The following PLCH1 variants were observed in gnomAD, a reference collection of about 807,000 sequenced individuals.
PLCH1 encodes the protein 1-phosphatidylinositol 4,5-bisphosphate phosphodiesterase eta-1.
PLCH1 carries 60 observed loss-of-function variants against 126.7 expected under a neutral mutation model. The ratio of observed to expected loss-of-function variants is 0.47; its 90% confidence interval spans 0.38 to 0.59. The LOEUF is 0.59. Ranked by LOEUF, PLCH1 falls within the 20% of genes least tolerant of loss-of-function variation. PLCH1 has a pLI of 0.00. For missense variants in PLCH1, 1,723 were observed against 2,040.0 expected (o/e 0.84, Z 2.99); for synonymous variants, 719 against 734.9 (o/e 0.98, Z 0.35).
At position 155,649,543 on chromosome 3, in the gene PLCH1, A is replaced by G. The variant is rs1740462305; in HGVS notation, c.80-53165T>C. On this transcript the variant is annotated intron_variant, in intron 2 of 22. Transcript: ENST00000460012. The stretch of plus-strand genomic sequence containing the variant: ...GAGGGGTCTCACTTCTCCATCTTGT[A>G]TTTCTAGTCATTTCAGTTCCCCCCC... Among the ~76,000 whole-genome samples the G allele has an allele frequency of 1.3e-5, 2 of 152,026 alleles. 1 individual carries two copies. The highest frequency in any genetic ancestry group is 4.2e-4 in the South Asian group (2 of 4,818).
chr3:155,534,874 C>G (rs1192063478), intron 10 of PLCH1, among the ~76,000 whole-genome samples: 2 of 152,178 alleles, frequency 1.3e-5, no homozygotes, highest in Non-Finnish European at 2.9e-5. Flanking sequence ...TGCCTGCTTC[C>G]TTTTTGCCCT....
intron 2 of PLCH1, among the ~76,000 whole-genome samples, chr3:155,690,505 G>A (rs368953337): frequency 1.4e-4 from 22 of 152,224 alleles, no homozygotes; most frequent in Middle Eastern, 3.4e-3. Flanking sequence ...AGGGTATTAC[G>A]TATATCCTTG....
chr3:155,689,940 A>G (rs1745246996), intron 2 of PLCH1, among the ~76,000 whole-genome samples: 1 of 152,118 alleles, frequency 6.6e-6, no homozygotes, highest in Non-Finnish European at 1.5e-5. Flanking sequence ...AAGGAACACA[A>G]AGCAGATTTA....
chr3:155,485,469 C>T lies in PLCH1; in HGVS notation c.2861G>A (p.Arg954His), dbSNP rs1010770122. The stretch of plus-strand genomic sequence containing the variant: ...AGAGACAGGGCGTGCTTGCAAACTG[C>T]GTGTGGTCCTCCTCAGCACGCCATC... ...DQDGVLRRTTRSLQARPVSMP... is the reference protein window; with the variant it reads ...DQDGVLRRTTHSLQARPVSMP... Residue 954 changes from arginine (R) to histidine (H), a missense_variant, in exon 22 of 23, where the codon CGC (arginine) becomes CAC (histidine). Arg to His is a conservative substitution (Grantham distance 29, BLOSUM62 0). This residue lies in a region of PLCH1 where 947 missense variants were observed against 977.1 expected (regional missense o/e 0.97). Transcript: ENST00000460012. 8 of 1,613,978 alleles carry T rather than the reference C, an allele frequency of 5.0e-6. No individual in the cohort carries two copies. Among genetic ancestry groups the T allele is most frequent in the African/African-American group, 4.0e-5 (3 of 74,918 alleles).
chr3:155,627,769 AT>A (rs60152083), intron 2 of PLCH1, among the ~76,000 whole-genome samples: 2,510 of 116,502 alleles, frequency 0.022, 69 homozygotes, highest in African/African-American at 0.077. Flanking sequence ...GTTATCGGAG[AT>A]TTTTTTTTTT....
chr3:155,579,397 C>T (rs1461260823), intron 6 of PLCH1, among the ~76,000 whole-genome samples: 1 of 152,236 alleles, frequency 6.6e-6, no homozygotes, highest in East Asian at 1.9e-4. Context: ...TTAATTCTCA[C>T]TCTACTCTTG....
downstream of PLCH1, among the ~76,000 whole-genome samples, chr3:155,478,294 C>CA (rs551471335): frequency 8.6e-5 from 13 of 151,330 alleles, no homozygotes; most frequent in South Asian, 4.2e-4. Flanking sequence ...CTAATTAATA[C>CA]AAAAAAAATA....
chr3:155,480,785 G>A lies in PLCH1; in HGVS notation c.*183C>T. On this transcript the variant is annotated 3_prime_UTR_variant, in exon 23 of 23. Transcript: ENST00000460012. ...GAGAAAGATCATAATAGGTACATGG[G>A]AAATGTCACCAAATCTATATACAAA... The A allele has an allele frequency of 1.7e-6, 1 of 589,018 alleles. No individual in the cohort carries two copies. The highest frequency in any genetic ancestry group is 3.0e-6 in the Non-Finnish European group (1 of 334,700). 36.5% of individuals were successfully genotyped at this position (589,018 alleles called of 1,614,324 possible). A position where few individuals can be genotyped will look rare whatever the true frequency, so the allele number is the denominator to read the frequency against.
intron 2 of PLCH1, among the ~76,000 whole-genome samples, chr3:155,629,744 A>C (rs1463430544): frequency 6.6e-6 from 1 of 152,136 alleles, no homozygotes; most frequent in Non-Finnish European, 1.5e-5. Flanking sequence ...GAGCGTAATT[A>C]ATCCCAAACT....
intron 9 of PLCH1, among the ~76,000 whole-genome samples, chr3:155,551,919 G>A (rs1726197535): frequency 6.6e-6 from 1 of 152,118 alleles, no homozygotes. Context: ...ATACATAGGT[G>A]GCAGGCCTTC....
intron 10 of PLCH1, among the ~76,000 whole-genome samples, chr3:155,528,978 G>A (rs1722311920): frequency 6.6e-6 from 1 of 152,128 alleles, no homozygotes; most frequent in Non-Finnish European, 1.5e-5. Flanking sequence ...AGGCAGATAG[G>A]GAGAAAAACA....
At chr3:155,744,002 G>A (rs982861868) in intron 1 of PLCH1, among the ~76,000 whole-genome samples, 2 of 150,390 alleles carry the variant, frequency 1.3e-5, no homozygotes, top group African/African-American at 4.8e-5. Context: ...GAAGGGAAAA[G>A]TTGGGTTTTT....
In PLCH1 at chr3:155,583,077, A is replaced by T. The variant is rs1444498603; in HGVS notation, c.771+395T>A. 3.3e-5 allele frequency among the ~76,000 whole-genome samples: 5 copies of T among 150,110 alleles called. No individual in the cohort carries two copies. In the East Asian group the frequency reaches 9.7e-4, roughly 29 times the overall value. On this transcript the variant is annotated intron_variant, in intron 6 of 22. Coordinates refer to ENST00000460012, the MANE Select transcript of PLCH1 (RefSeq NM_014996.4). ...TTAGTATAAATATAAATTTATATTT[A>T]AAATAAATAAATTTGACTAAATTTA...
intron 2 of PLCH1, among the ~76,000 whole-genome samples, chr3:155,643,613 T>G (rs1047994488): frequency 2.0e-5 from 3 of 152,232 alleles, no homozygotes; most frequent in East Asian, 3.9e-4. Context: ...ATAGTTCCCC[T>G]GAAATTCATC....
In PLCH1 at chr3:155,483,001, G is replaced by A; in HGVS notation, c.3025C>T (p.His1009Tyr). ...AACTTTTTGTTGAAATTTAGAAAAT[G>A]TGGATCTTTTATACTTGCTTTCCCT... Reference protein sequence around the residue: ...RKGKASIKDPHFLNFNKKLSS... With the variant: ...RKGKASIKDPYFLNFNKKLSS... The change falls in exon 23 of 23, where the codon CAT (histidine) becomes TAT (tyrosine). Residue 1009 changes from histidine (H) to tyrosine (Y), a missense_variant. Physicochemically the swap from His to Tyr is moderately conservative, Grantham distance 83. Coordinates refer to ENST00000460012, the MANE Select transcript of PLCH1 (RefSeq NM_014996.4). 1.2e-6 allele frequency: 2 copies of A among 1,613,930 alleles called. No homozygotes were observed. The highest frequency in any genetic ancestry group is 1.7e-6 in the Non-Finnish European group (2 of 1,179,860).
At chr3:155,743,692 T>C in intron 1 of PLCH1, 1 of 370,650 alleles carries the variant, frequency 2.7e-6, no homozygotes, top group Non-Finnish European at 5.2e-6. Context: ...CCTTTGTTTC[T>C]TTTCATTGGC....
intron 10 of PLCH1, among the ~76,000 whole-genome samples, chr3:155,542,815 G>T (rs1724549804): frequency 1.3e-5 from 2 of 152,196 alleles, no homozygotes; most frequent in South Asian, 4.1e-4. Context: ...CAACAGACCT[G>T]CAGCTGAGGG....
chr3:155,584,328 T>C (rs889636404), intron 5 of PLCH1, among the ~76,000 whole-genome samples: 17 of 152,184 alleles, frequency 1.1e-4, no homozygotes, highest in Non-Finnish European at 1.6e-4. Context: ...CAAATGTAAT[T>C]TTTACCTATG....
intron 5 of PLCH1, 79 bp downstream of exon 5, chr3:155,585,986 A>G: frequency 7.8e-7 from 1 of 1,284,122 alleles, no homozygotes; most frequent in Non-Finnish European, 1.1e-6. Flanking sequence ...AACAAAACAA[A>G]ATAGCTTTTT....
Sources: allele counts gnomAD v4.1 joint callset (sites outside exome capture counted in the v4.1 genomes callset), GRCh38; gene constraint gnomAD v4.1.1; regional missense constraint gnomAD v4.1.1; transcripts MANE v1.5; gene names NCBI Gene and HGNC (gene_info 2026-07-23, HGNC 2026-07-21).